PWWP2B: variants seen among roughly 807,000 people sequenced by gnomAD.
PWWP2B encodes PWWP domain-containing protein 2B.
In PWWP2B, 9 loss-of-function variants were observed where a neutral mutation model predicts 15.5. The ratio of observed to expected loss-of-function variants is 0.58; its 90% CI spans 0.35 to 1.02. The LOEUF is 1.02. Among genes scored for constraint, PWWP2B ranks in the 50% least tolerant of loss-of-function variants. The pLI is 0.02. For synonymous variants in PWWP2B, 474 were observed against 403.6 expected (o/e 1.17, Z -2.09); for missense variants, 864 against 865.3 (o/e 1.00, Z 0.02).
At chr10:132,400,185 G>A (rs1356960241) in intron 1 of PWWP2B, among the ~76,000 whole-genome samples, 1 of 152,192 alleles carries the variant, frequency 6.6e-6, no homozygotes, top group Admixed American at 6.5e-5. Flanking sequence ...AGTGGTGATA[G>A]GCTGTGCCCC....
chr10:132,399,049 G>GC (rs1554905930), intron 1 of PWWP2B, among the ~76,000 whole-genome samples: 1 of 90,290 alleles, frequency 1.1e-5, no homozygotes, highest in East Asian at 3.5e-4. Context: ...AAGGACCCCC[G>GC]CCCCCTCCCT....
chr10:132,397,425 G>A (rs2069552082), intron 1 of PWWP2B, 74 bp downstream of exon 1: 2 of 1,144,790 alleles, frequency 1.7e-6, no homozygotes, highest in Non-Finnish European at 2.2e-6. Context: ...GGAGACCCGG[G>A]ACCCGCCTCC....
intron 2 of PWWP2B, among the ~76,000 whole-genome samples, chr10:132,414,613 C>T (rs2044909896): frequency 6.6e-6 from 1 of 152,238 alleles, no homozygotes; most frequent in South Asian, 2.1e-4. Context: ...CGGGGTCGGC[C>T]TCTACCTCGC....
At chr10:132,398,884 T>G (rs972766158) in intron 1 of PWWP2B, among the ~76,000 whole-genome samples, 1 of 152,060 alleles carries the variant, frequency 6.6e-6, no homozygotes, top group African/African-American at 2.4e-5. Context: ...GGCCCCCTTG[T>G]CCTTGTGGGG....
intron 2 of PWWP2B, among the ~76,000 whole-genome samples, chr10:132,408,533 G>C (rs1210401074): frequency 6.6e-6 from 1 of 152,122 alleles, no homozygotes; most frequent in Non-Finnish European, 1.5e-5. Flanking sequence ...GCTGGAGCTC[G>C]GGCAGGGAGG....
chr10:132,397,923 G>T (rs1006045997), intron 1 of PWWP2B, among the ~76,000 whole-genome samples: 1 of 152,052 alleles, frequency 6.6e-6, no homozygotes, highest in Non-Finnish European at 1.5e-5. Flanking sequence ...TGGGAGCCGT[G>T]GGCACATCCC....
chr10:132,413,414 G>C (rs911387557), intron 2 of PWWP2B, among the ~76,000 whole-genome samples: 1 of 152,194 alleles, frequency 6.6e-6, no homozygotes, highest in African/African-American at 2.4e-5. Flanking sequence ...TGGTGGCAGT[G>C]AACGCCTGAG....
At chr10:132,398,285 A>G (rs2069564859) in intron 1 of PWWP2B, among the ~76,000 whole-genome samples, 1 of 152,226 alleles carries the variant, frequency 6.6e-6, no homozygotes, top group Non-Finnish European at 1.5e-5. Context: ...TCTCTTCATT[A>G]GATGTGCCAG....
chr10:132,399,825 G>A (rs2069591927), intron 1 of PWWP2B, among the ~76,000 whole-genome samples: 1 of 152,138 alleles, frequency 6.6e-6, no homozygotes, highest in Non-Finnish European at 1.5e-5. Flanking sequence ...CCTGGCTGAG[G>A]GGTGGCCTGA....
intron 1 of PWWP2B, among the ~76,000 whole-genome samples, chr10:132,400,160 C>G (rs1044261399): frequency 1.3e-5 from 2 of 152,184 alleles, no homozygotes; most frequent in Admixed American, 1.3e-4. Context: ...GGGGGAGCAC[C>G]TGGGCCAGGG....
At chr10:132,397,931 C>A (rs925052939) in intron 1 of PWWP2B, among the ~76,000 whole-genome samples, 1 of 151,960 alleles carries the variant, frequency 6.6e-6, no homozygotes, top group Non-Finnish European at 1.5e-5. Flanking sequence ...GTGGGCACAT[C>A]CCCCGGGAGC....
At chr10:132,415,515 AGACATCCACTGTCACACACACGCACT>A in intron 2 of PWWP2B, among the ~76,000 whole-genome samples, 4 of 149,984 alleles carry the variant, frequency 2.7e-5, no homozygotes, top group South Asian at 2.1e-4. Context: ...ACTCACATCC[AGACATCCACTGTCACACACACGCACT>A]CTCACACACA....
At chr10:132,406,322 A>G (rs2133157359) in intron 2 of PWWP2B, 33 bp downstream of exon 2, 2 of 1,533,276 alleles carry the variant, frequency 1.3e-6, no homozygotes, top group Non-Finnish European at 1.8e-6. Flanking sequence ...CCTTCCCCCC[A>G]GCGGCCCAAG....
At chr10:132,398,074 C>G (rs775652532) in intron 1 of PWWP2B, among the ~76,000 whole-genome samples, 5 of 152,204 alleles carry the variant, frequency 3.3e-5, no homozygotes, top group African/African-American at 1.2e-4. Flanking sequence ...AGGGAGCTGT[C>G]GCTGCCAGAT....
chr10:132,404,763 C>A lies in PWWP2B; in HGVS notation c.263C>A (p.Ala88Asp). The A allele has an allele frequency of 6.3e-7, 1 of 1,584,742 alleles. No individual in the cohort carries two copies. The highest frequency in any genetic ancestry group is 8.6e-7 in the Non-Finnish European group (1 of 1,165,338). Residue 88 changes from alanine (A) to aspartate (D), a missense_variant, in exon 2 of 3, where the codon GCC becomes GAC. Coordinates refer to ENST00000305233, the MANE Select transcript of PWWP2B (RefSeq NM_138499.4). ...MQLGSSSPPP[A>D]RGVQPPETTR... ...CTGGGGTCCAGCTCCCCCCCTCCTGCCCGCGGGGTTCAGCCCCCCGAGACC... is the reference window on the plus strand; with the variant it reads ...CTGGGGTCCAGCTCCCCCCCTCCTGACCGCGGGGTTCAGCCCCCCGAGACC...
rs537213163 is a variant in PWWP2B at position 132,416,587 on chromosome 10, C to T, written c.*17-474C>T. On this transcript the variant is annotated intron_variant, in intron 2 of 2. Coordinates refer to ENST00000305233, the MANE Select transcript of PWWP2B (RefSeq NM_138499.4). ...CCCTCAGGGTCTAGCCCTCCCTTCC[C>T]ACCCTGGGATCCCCATGCGTGGGGC... 5.3e-5 allele frequency among the ~76,000 whole-genome samples: 8 copies of T among 152,262 alleles called. No homozygotes were observed. The East Asian group carries it at 5.8e-4, about 11-fold the overall frequency.
At chr10:132,411,792 C>T (rs2069785830) in intron 2 of PWWP2B, among the ~76,000 whole-genome samples, 1 of 152,366 alleles carries the variant, frequency 6.6e-6, no homozygotes, top group African/African-American at 2.4e-5. Context: ...CTCCAGGCTT[C>T]GGCTTTTCTG....
Position 132,417,277 on chromosome 10 carries a change from T to C in PWWP2B, c.*233T>C, listed in dbSNP as rs41290027. 5,420 of 602,994 alleles carry C rather than the reference T, an allele frequency of 9.0e-3. 48 individuals carry two copies. The highest frequency in any genetic ancestry group is 0.015 in the South Asian group (739 of 49,906). 37.4% of individuals were successfully genotyped at this position (602,994 alleles called of 1,614,324 possible). On this transcript the variant is annotated 3_prime_UTR_variant, in exon 3 of 3. Transcript: ENST00000305233. ...GTATTTCTTCCCACCACTCAGCGCA[T>C]GGCTGCCCTGGCTCACGAGGCAGTC...
chr10:132,405,340 C>G lies in PWWP2B; in HGVS notation c.840C>G (p.Phe280Leu), dbSNP rs944222263. The change falls in exon 2 of 3, where the codon TTC (phenylalanine) becomes TTG (leucine). Residue 280 changes from phenylalanine (F) to leucine (L), a missense_variant. This residue lies in a region of PWWP2B where 736 missense variants were observed against 687.7 expected (regional missense o/e 1.07). Transcript: ENST00000305233. The stretch of plus-strand genomic sequence containing the variant: ...GCGTGCACGGCTCTCTGGAGCCCTT[C>G]CGTCCCCAGCAGGCCCCGCAGGACG... ...PSRVHGSLEPFRPQQAPQDDG... is the reference protein window; with the variant it reads ...PSRVHGSLEPLRPQQAPQDDG... 1.2e-6 allele frequency: 2 copies of G among 1,611,788 alleles called. No homozygotes were observed. Among genetic ancestry groups the G allele is most frequent in the Non-Finnish European group, 1.7e-6 (2 of 1,179,388 alleles).
Sources: allele counts gnomAD v4.1 joint callset (sites outside exome capture counted in the v4.1 genomes callset), GRCh38; gene constraint gnomAD v4.1.1; regional missense constraint gnomAD v4.1.1; transcripts MANE v1.5; gene names NCBI Gene and HGNC (gene_info 2026-07-23, HGNC 2026-07-21).